The following CCND3 variants were observed in gnomAD, a reference collection of about 807,000 sequenced individuals.
CCND3 encodes the protein G1/S-specific cyclin-D3.
Under a neutral mutation model 28.7 loss-of-function variants are expected in CCND3, and 9 were observed. The ratio of observed to expected loss-of-function variants is 0.31; its 90% CI spans 0.19 to 0.55. The LOEUF (loss-of-function observed/expected upper bound fraction) is 0.55, where lower values mean the gene tolerates loss of function less well. Ranked by LOEUF, CCND3 falls within the 20% of genes least tolerant of loss-of-function variation. The pLI, the probability that CCND3 is intolerant of heterozygous loss-of-function variation, is 0.93. For synonymous variants in CCND3, 164 were observed against 163.9 expected (o/e 1.00, Z 0.00); for missense variants, 315 against 385.8 (o/e 0.82, Z 1.54).
intron 1 of CCND3, among the ~76,000 whole-genome samples, chr6:41,971,731 G>C (rs1246635422): frequency 6.6e-6 from 1 of 150,662 alleles, no homozygotes; most frequent in Non-Finnish European, 1.5e-5. Context: ...ATAGAGACGG[G>C]GTTTCGCCGT....
At chr6:42,003,944 A>C (rs972785140) in intron 1 of CCND3, among the ~76,000 whole-genome samples, 1 of 151,296 alleles carries the variant, frequency 6.6e-6, no homozygotes. Context: ...ATCTCAAAAA[A>C]AAAAAAAAAA....
intron 1 of CCND3, among the ~76,000 whole-genome samples, chr6:42,010,401 G>A (rs1763307102): frequency 6.6e-6 from 1 of 152,182 alleles, no homozygotes; most frequent in Non-Finnish European, 1.5e-5. Context: ...GAAATGGGAT[G>A]TGGCTTCATG....
intron 1 of CCND3, among the ~76,000 whole-genome samples, chr6:42,037,527 G>A (rs932841942): frequency 2.6e-5 from 4 of 151,612 alleles, no homozygotes; most frequent in Admixed American, 1.3e-4. Context: ...GAGCCACCGC[G>A]CCTGGCCAAA....
chr6:42,042,943 C>T (rs13215373), intron 1 of CCND3, among the ~76,000 whole-genome samples: 58,720 of 152,070 alleles, frequency 0.39, 11,593 homozygotes, highest in Middle Eastern at 0.49. Context: ...TAGAGGCTCT[C>T]TCGACCACTC....
chr6:42,013,171 C>T (rs982982377), intron 1 of CCND3, among the ~76,000 whole-genome samples: 3 of 152,174 alleles, frequency 2.0e-5, no homozygotes, highest in African/African-American at 7.2e-5. Flanking sequence ...CAGGATCCAA[C>T]TTGATAATCA....
intron 1 of CCND3, among the ~76,000 whole-genome samples, chr6:41,955,272 C>T (rs2127401565): frequency 6.6e-6 from 1 of 152,108 alleles, no homozygotes; most frequent in South Asian, 2.1e-4. Context: ...AAAAATTACA[C>T]TTATGAACAT....
chr6:41,944,062 A>T (rs1776107596), upstream of CCND3, among the ~76,000 whole-genome samples: 1 of 152,146 alleles, frequency 6.6e-6, no homozygotes, highest in South Asian at 2.1e-4. Context: ...CACTATGTAT[A>T]AAAATGTCCC....
Position 42,040,016 on chromosome 6 carries a change from G to A in CCND3, c.-46+8485C>T, listed in dbSNP as rs551444625. Among the ~76,000 whole-genome samples, 16 of 152,358 alleles carry A rather than the reference G, an allele frequency of 1.1e-4. No individual in the cohort carries two copies. The South Asian group carries it at 2.9e-3, about 28-fold the overall frequency. On this transcript the variant is annotated intron_variant, in intron 1 of 4. Coordinates refer to the CCND3 transcript ENST00000372988. ...TACCAGCCTGCTCTACTAGTCCTGA[G>A]ACTGTGTACGTGACAATGTCTCAAC... is the stretch of plus-strand genomic sequence containing the variant.
chr6:42,045,209 C>T lies in CCND3; in HGVS notation c.-46+3292G>A, dbSNP rs933292589. Among the ~76,000 whole-genome samples the T allele has an allele frequency of 2.6e-5, 4 of 152,208 alleles. No individual in the cohort carries two copies. In the South Asian group the frequency reaches 8.3e-4, roughly 32 times the overall value. On this transcript the variant is annotated intron_variant, in intron 1 of 4. Coordinates refer to the CCND3 transcript ENST00000372988. ...AAAAATCCCTTTATATTTCAGCCTC[C>T]CTGTCTCAGTGTTTGATATATTAGG...
intron 1 of CCND3, among the ~76,000 whole-genome samples, chr6:42,013,942 T>G (rs552748366): frequency 3.8e-4 from 57 of 150,794 alleles, no homozygotes; most frequent in Non-Finnish European, 4.1e-4. Context: ...CGTGGTGGTG[T>G]GCGCCTGTAG....
intron 1 of CCND3, among the ~76,000 whole-genome samples, chr6:41,970,856 G>GT (rs368080903): frequency 1.3e-5 from 2 of 151,490 alleles, no homozygotes; most frequent in Non-Finnish European, 2.9e-5. Flanking sequence ...TTTGTGTTCT[G>GT]TTTTTTTTCC....
At chr6:41,947,232 A>G (rs560115141) in intron 1 of CCND3, among the ~76,000 whole-genome samples, 32 of 152,006 alleles carry the variant, frequency 2.1e-4, no homozygotes, top group Non-Finnish European at 4.1e-4. Context: ...AAAAAAAAAA[A>G]AGAAAAGAAA....
At chr6:42,022,696 G>A (rs903312369) in intron 1 of CCND3, among the ~76,000 whole-genome samples, 8 of 152,206 alleles carry the variant, frequency 5.3e-5, no homozygotes, top group Non-Finnish European at 8.8e-5. Flanking sequence ...GTGTCATCCC[G>A]CCTTCCTTTA....
At chr6:42,030,914 T>C (rs1333402196) in intron 1 of CCND3, among the ~76,000 whole-genome samples, 1 of 149,098 alleles carries the variant, frequency 6.7e-6, no homozygotes, top group Non-Finnish European at 1.5e-5. Context: ...ACACTGAGTG[T>C]GCGTGGATGG....
chr6:42,001,834 G>A (rs1763020539), intron 1 of CCND3, among the ~76,000 whole-genome samples: 1 of 152,176 alleles, frequency 6.6e-6, no homozygotes, highest in African/African-American at 2.4e-5. Flanking sequence ...AATTCATAGG[G>A]CCGGGCACGG....
chr6:41,954,250 T>TTAAAAAAAAAAAAAAAAAAAA (rs1776383417), intron 1 of CCND3, among the ~76,000 whole-genome samples: 1 of 35,156 alleles, frequency 2.8e-5, no homozygotes, highest in African/African-American at 1.3e-4. Flanking sequence ...GATTCTGCCT[T>TTAAAAAAAAAAAAAAAAAAAA]AAAAAAAAAA....
chr6:42,043,295 C>T (rs1764427227), intron 1 of CCND3, among the ~76,000 whole-genome samples: 1 of 152,044 alleles, frequency 6.6e-6, no homozygotes, highest in South Asian at 2.1e-4. Context: ...CCCAGCACTT[C>T]GGGAGGCCGA....
intron 1 of CCND3, among the ~76,000 whole-genome samples, chr6:42,023,381 C>T (rs1763770159): frequency 6.6e-6 from 1 of 152,166 alleles, no homozygotes; most frequent in Non-Finnish European, 1.5e-5. Context: ...CATGAAGTAT[C>T]GTGCTGTGGG....
In CCND3 at chr6:41,936,593, G is replaced by A; in HGVS notation, c.677C>T (p.Thr226Ile). ...GACSMSGDEL[T>I]ELLAGITGTE... ...GCCAGTGATCCCTGCCAGCAGCTCT[G>A]TGAGCTCATCCCCGGACATGGAGCA... Residue 226 changes from threonine to isoleucine, a missense_variant, in exon 4 of 5, where the codon ACA becomes ATA. Physicochemically the swap from Thr to Ile is moderately conservative, Grantham distance 89 (BLOSUM62 -1). Coordinates refer to ENST00000372991, the MANE Select transcript of CCND3 (RefSeq NM_001760.5). The surrounding 1 kb of genome is among the most constrained non-coding windows in gnomAD (Gnocchi z 4.4). The A allele has an allele frequency of 6.2e-7, 1 of 1,614,182 alleles. No homozygotes were observed.
Sources: gnomAD v4.1 joint callset for allele counts (sites outside exome capture counted in the v4.1 genomes callset) on GRCh38, gnomAD v4.1.1 for gene constraint, Gnocchi (gnomAD v3.1) non-coding constraint, MANE v1.5 for transcripts, NCBI Gene and HGNC (gene_info 2026-07-23, HGNC 2026-07-21) for gene names.